CFAP61: variants seen among roughly 807,000 people sequenced by gnomAD.
CFAP61 encodes cilia- and flagella-associated protein 61.
Under a neutral mutation model 135.6 loss-of-function variants are expected in CFAP61, and 107 were observed. That is an observed-to-expected ratio of 0.79 (90% confidence interval 0.67 to 0.93). The LOEUF (loss-of-function observed/expected upper bound fraction) is 0.93. CFAP61 is among the 40% of genes least tolerant of loss of function. The pLI is 0.00. For synonymous variants in CFAP61, 575 were observed against 578.5 expected (o/e 0.99, Z 0.09); for missense variants, 1,507 against 1,556.2 (o/e 0.97, Z 0.53).
chr20:20,226,223 G>A (rs1471063347), intron 17 of CFAP61: 4 of 152,170 alleles, frequency 2.6e-5, no homozygotes. Flanking sequence ...ATGGATGTTA[G>A]GCTCAGCTAC....
chr20:20,228,347 A>G lies in CFAP61; in HGVS notation c.2031A>G (p.Gly677=). 6.2e-7 allele frequency: 1 copy of G among 1,611,616 alleles called. No individual in the cohort carries two copies. ...TTGTGGTTGGTGCATCCAGTGTTGGAATTTCCTTCCTAGAGACATTGGTAT... is the reference window on the plus strand; with the variant it reads ...TTGTGGTTGGTGCATCCAGTGTTGGGATTTCCTTCCTAGAGACATTGGTAT... ...KIIVVGASSV[G]ISFLETLVFC... Residue 677 remains glycine (G), a synonymous_variant, in exon 18 of 27, where the codon GGA becomes GGG. Transcript: ENST00000245957.
At position 20,262,984 on chromosome 20, in the gene CFAP61, G is replaced by A; in HGVS notation, c.2357G>A (p.Ser786Asn). The part of the protein sequence containing the change: ...QVPCPTEADI[S>N]QHLTNREVPN... ...CCATGCCCTACAGAGGCTGATATTA[G>A]TCAACACCTGACAAACAGGGAGGTT... The change falls in exon 21 of 27, where the codon AGT becomes AAT. Residue 786 changes from serine to asparagine, a missense_variant. Physicochemically the swap from Ser to Asn is conservative, Grantham distance 46. Transcript: ENST00000245957. The A allele has an allele frequency of 6.2e-7, 1 of 1,613,222 alleles. No homozygotes were observed. The highest frequency in any genetic ancestry group is 2.2e-5 in the East Asian group (1 of 44,850).
intron 25 of CFAP61, among the ~76,000 whole-genome samples, chr20:20,325,537 T>G (rs2057711748): frequency 6.6e-6 from 1 of 152,256 alleles, no homozygotes; most frequent in Non-Finnish European, 1.5e-5. Flanking sequence ...AGTAATATGC[T>G]TTTAAGGTTC....
Position 20,277,178 on chromosome 20 carries a change from T to C in CFAP61, c.2516T>C (p.Val839Ala), listed in dbSNP as rs780066258. The part of the protein sequence containing the change: ...NSITTEGNII[V>A]YGNTIDTYTT... ...CCTTCTTTCCTAGGGAATATCATTG[T>C]CTATGGGAATACAATTGATACTTAC... is the stretch of plus-strand genomic sequence containing the variant. Residue 839 changes from valine (V) to alanine (A), a missense_variant, in exon 22 of 27, where the codon GTC (valine) becomes GCC (alanine). Coordinates refer to ENST00000245957, the MANE Select transcript of CFAP61 (RefSeq NM_015585.4). 5.1e-5 allele frequency: 82 copies of C among 1,609,116 alleles called. 1 individual carries two copies. The highest frequency in any genetic ancestry group is 5.1e-5 in the Non-Finnish European group (60 of 1,176,506).
intron 25 of CFAP61, among the ~76,000 whole-genome samples, chr20:20,305,315 G>A (rs1052341950): frequency 6.6e-6 from 1 of 152,248 alleles, no homozygotes; most frequent in African/African-American, 2.4e-5. Context: ...AAAGCAGGAT[G>A]CTGCCAGCCC....
intron 22 of CFAP61, among the ~76,000 whole-genome samples, chr20:20,285,039 G>C (rs918299958): frequency 6.6e-6 from 1 of 152,074 alleles, no homozygotes; most frequent in Non-Finnish European, 1.5e-5. Context: ...CATTCTTAAC[G>C]CTTATTTTCA....
At chr20:20,109,663 T>C (rs907186598) in intron 8 of CFAP61, among the ~76,000 whole-genome samples, 1 of 152,198 alleles carries the variant, frequency 6.6e-6, no homozygotes, top group Non-Finnish European at 1.5e-5. Flanking sequence ...ACCTACAATT[T>C]ATTCTCTCCT....
chr20:20,090,054 G>A (rs1047361587), intron 6 of CFAP61, among the ~76,000 whole-genome samples: 8 of 152,202 alleles, frequency 5.3e-5, no homozygotes, highest in Non-Finnish European at 2.9e-5. Flanking sequence ...AATTCTTTGG[G>A]CTGAGAGGAT....
At chr20:20,184,008 G>C (rs894048100) in intron 13 of CFAP61, among the ~76,000 whole-genome samples, 4 of 152,230 alleles carry the variant, frequency 2.6e-5, no homozygotes, top group African/African-American at 9.6e-5. Context: ...GGACAGACTG[G>C]TGAAACGATG....
At chr20:20,247,009 T>C (rs1044878808) in intron 19 of CFAP61, among the ~76,000 whole-genome samples, 3 of 152,186 alleles carry the variant, frequency 2.0e-5, no homozygotes, top group Admixed American at 6.5e-5. Flanking sequence ...GATGTCCTTA[T>C]GATACAAAAA....
chr20:20,342,393 C>G (rs1261716443), intron 26 of CFAP61, among the ~76,000 whole-genome samples: 3 of 152,224 alleles, frequency 2.0e-5, no homozygotes, highest in Non-Finnish European at 4.4e-5. Context: ...ACAGAATTAA[C>G]TGGACATTAG....
At chr20:20,128,007 T>C (rs1299767530) in intron 8 of CFAP61, among the ~76,000 whole-genome samples, 1 of 151,650 alleles carries the variant, frequency 6.6e-6, no homozygotes, top group Non-Finnish European at 1.5e-5. Flanking sequence ...CCAGCTCCCA[T>C]GCAAACCAAA....
intron 18 of CFAP61, among the ~76,000 whole-genome samples, chr20:20,243,739 C>A (rs1459535697): frequency 1.3e-5 from 2 of 152,086 alleles, no homozygotes; most frequent in Admixed American, 1.3e-4. Context: ...GCCTGGCCCC[C>A]CAAAGTCTTA....
At chr20:20,118,069 T>C in intron 8 of CFAP61, among the ~76,000 whole-genome samples, 1 of 152,132 alleles carries the variant, frequency 6.6e-6, no homozygotes, top group East Asian at 1.9e-4. Flanking sequence ...TCAATTTGGA[T>C]GCCCTTTCTT....
chr20:20,146,991 C>T (rs1317514184), intron 9 of CFAP61, among the ~76,000 whole-genome samples: 1 of 152,188 alleles, frequency 6.6e-6, no homozygotes, highest in Non-Finnish European at 1.5e-5. Flanking sequence ...TGAATGAGAA[C>T]ATATGATATT....
intron 13 of CFAP61, among the ~76,000 whole-genome samples, chr20:20,185,991 T>C (rs913324079): frequency 5.9e-5 from 9 of 152,246 alleles, no homozygotes; most frequent in African/African-American, 1.9e-4. Flanking sequence ...TATTTTGGCA[T>C]TACATATATT....
chr20:20,159,529 C>A (rs894784867), intron 10 of CFAP61, 85 bp downstream of exon 10: 11 of 1,190,822 alleles, frequency 9.2e-6, no homozygotes, highest in Non-Finnish European at 1.4e-5. Context: ...TGTGCCCTTT[C>A]CTCCTCCCAA....
At chr20:20,100,582 G>C (rs1158399569) in intron 8 of CFAP61, among the ~76,000 whole-genome samples, 1 of 152,144 alleles carries the variant, frequency 6.6e-6, no homozygotes, top group Non-Finnish European at 1.5e-5. Flanking sequence ...TATGTGTTGT[G>C]CTTAGCTCAG....
intron 25 of CFAP61, among the ~76,000 whole-genome samples, chr20:20,341,300 G>T (rs974320529): frequency 5.3e-5 from 8 of 152,170 alleles, no homozygotes; most frequent in African/African-American, 1.9e-4. Context: ...TCAGTGAAAA[G>T]TTAGCAAATA....
Sources: gnomAD v4.1 joint callset for allele counts (sites outside exome capture counted in the v4.1 genomes callset) on GRCh38, gnomAD v4.1.1 for gene constraint, MANE v1.5 for transcripts, NCBI Gene and HGNC (gene_info 2026-07-23, HGNC 2026-07-21) for gene names.